PLSCR2: variants seen among roughly 807,000 people sequenced by gnomAD.
The protein encoded by PLSCR2 is phospholipid scramblase 2.
Under a neutral mutation model 25.3 loss-of-function variants are expected in PLSCR2, and 18 were observed. The ratio of observed to expected loss-of-function variants is 0.71; its 90% CI spans 0.49 to 1.06. PLSCR2 has a LOEUF of 1.06. Ranked by LOEUF, PLSCR2 falls within the 50% of genes least tolerant of loss-of-function variation. The pLI, the probability that PLSCR2 is intolerant of heterozygous loss-of-function variation, is 0.00. For missense variants in PLSCR2, 243 were observed against 269.5 expected, an observed-to-expected ratio of 0.90 and a Z score of 0.69; for synonymous variants, 88 against 87.3, an observed-to-expected ratio of 1.01 and a Z score of -0.04.
chr3:146,495,218 C>A (rs2043704675), intron 1 of PLSCR2, among the ~76,000 whole-genome samples: 1 of 152,114 alleles, frequency 6.6e-6, no homozygotes, highest in Admixed American at 6.5e-5. Flanking sequence ...ATTCGTTTTT[C>A]TTCTCTCTAG....
chr3:146,443,467 T>A (rs185463914), intron 6 of PLSCR2, among the ~76,000 whole-genome samples: 1 of 152,144 alleles, frequency 6.6e-6, no homozygotes, highest in Non-Finnish European at 1.5e-5. Context: ...GGTTTTAGAT[T>A]TTTTCATGGT....
chr3:146,406,169 G>A (rs890907243), intron 2 of PLSCR2, among the ~76,000 whole-genome samples: 8 of 152,210 alleles, frequency 5.3e-5, no homozygotes, highest in African/African-American at 1.9e-4. Context: ...ATGGAATGAA[G>A]ATGTGGTTGA....
rs553758263 is a variant in PLSCR2 at position 146,426,336 on chromosome 3, G to A, written c.101-30415C>T. 1.0e-4 allele frequency among the ~76,000 whole-genome samples: 15 copies of A among 146,254 alleles called. No individual in the cohort carries two copies. The South Asian group carries it at 1.1e-3, about 10-fold the overall frequency. On this transcript the variant is annotated intron_variant and NMD_transcript_variant, in intron 2 of 3. Transcript: ENST00000463633. ...TTCCCTCCTTCCTTCCATCAAAATC[G>A]TATATGAAAATGTCTGATTATTCTA...
chr3:146,487,975 C>T (rs948787012), intron 1 of PLSCR2, among the ~76,000 whole-genome samples: 1 of 152,024 alleles, frequency 6.6e-6, no homozygotes, highest in Non-Finnish European at 1.5e-5. Context: ...CCAAAACAGA[C>T]ATACAGATGA....
chr3:146,423,282 T>TCTCCCC (rs758576585), intron 2 of PLSCR2, among the ~76,000 whole-genome samples: 11 of 100,960 alleles, frequency 1.1e-4, no homozygotes, highest in East Asian at 2.9e-4. Context: ...TCTCTCTCTC[T>TCTCCCC]CCCTGGCTAG....
At chr3:146,441,231 C>CA (rs202241822), downstream of PLSCR2, among the ~76,000 whole-genome samples, 248 of 149,800 alleles carry the variant, frequency 1.7e-3, no homozygotes, top group Non-Finnish European at 2.3e-3. Flanking sequence ...ATCTCAAAAA[C>CA]AAAAAAAAAT....
At position 146,483,949 on chromosome 3, in the gene PLSCR2, T is replaced by G. The variant is rs1345199914; in HGVS notation, c.-293+11946A>C. Among the ~76,000 whole-genome samples the G allele has an allele frequency of 2.0e-5, 3 of 151,790 alleles. 1 individual carries two copies. The highest frequency in any genetic ancestry group is 4.8e-5 in the African/African-American group (2 of 41,340). On this transcript the variant is annotated intron_variant, in intron 1 of 8. Coordinates refer to the PLSCR2 transcript ENST00000336685. The stretch of plus-strand genomic sequence containing the variant: ...TCGGTGAAGGCTGAGATGGATCAAT[T>G]GACAGAAGTAGGCTTCAGAAGATGG...
At chr3:146,472,992 A>G (rs2108502618) in intron 1 of PLSCR2, among the ~76,000 whole-genome samples, 1 of 152,308 alleles carries the variant, frequency 6.6e-6, no homozygotes, top group East Asian at 1.9e-4. Context: ...CCTTATAAGG[A>G]CACTGATCCC....
intron 2 of PLSCR2, among the ~76,000 whole-genome samples, chr3:146,425,673 A>G (rs991341111): frequency 1.3e-5 from 2 of 152,152 alleles, no homozygotes; most frequent in Non-Finnish European, 2.9e-5. Context: ...TATGATGTTA[A>G]TGACTCTGCT....
chr3:146,405,825 G>C (rs1411829021), intron 2 of PLSCR2, among the ~76,000 whole-genome samples: 1 of 152,058 alleles, frequency 6.6e-6, no homozygotes, highest in Non-Finnish European at 1.5e-5. Context: ...TCTTGTTTTT[G>C]TTGGCGCTTA....
chr3:146,477,776 C>G (rs989260145), intron 1 of PLSCR2, among the ~76,000 whole-genome samples: 3 of 152,228 alleles, frequency 2.0e-5, no homozygotes, highest in African/African-American at 7.2e-5. Flanking sequence ...AGCAGACTGC[C>G]TCTTCAAGTG....
At chr3:146,433,470 G>A (rs558439953) in exon 9 of PLSCR2, 58 of 152,168 alleles carry the variant, frequency 3.8e-4, no homozygotes, top group African/African-American at 1.2e-3. Context: ...GGAAGGAACC[G>A]TTTAGATCAG....
intron 5 of PLSCR2, 26 bp from the exon 6 acceptor site, chr3:146,449,393 T>G (rs1553778268): frequency 7.2e-7 from 1 of 1,390,462 alleles, no homozygotes; most frequent in East Asian, 2.3e-5. Context: ...AAAAAAAACT[T>G]AAAAATTTCT....
upstream of PLSCR2, among the ~76,000 whole-genome samples, chr3:146,461,232 C>A (rs967452205): frequency 1.9e-4 from 29 of 152,098 alleles, 1 homozygote; most frequent in Non-Finnish European, 1.5e-5. Context: ...CTTAATGCCA[C>A]ATAAAATATA....
At chr3:146,469,278 T>C in intron 1 of PLSCR2, 1 of 985,578 alleles carries the variant, frequency 1.0e-6, no homozygotes, top group Middle Eastern at 5.2e-4. Context: ...AGGACACCCC[T>C]TGTCATTCGA....
At chr3:146,414,917 G>A (rs1301076334) in intron 2 of PLSCR2, among the ~76,000 whole-genome samples, 1 of 152,188 alleles carries the variant, frequency 6.6e-6, no homozygotes, top group Non-Finnish European at 1.5e-5. Context: ...GAATGATCCT[G>A]CAGCCAGTAT....
At chr3:146,449,449 G>T in intron 5 of PLSCR2, 82 bp from the exon 6 acceptor site, 1 of 921,504 alleles carries the variant, frequency 1.1e-6, no homozygotes, top group Non-Finnish European at 1.7e-6. Context: ...GTAAAAGGAA[G>T]GAAATATTAT....
At chr3:146,404,121 G>A (rs1046242401) in intron 2 of PLSCR2, among the ~76,000 whole-genome samples, 4 of 152,148 alleles carry the variant, frequency 2.6e-5, no homozygotes, top group East Asian at 1.9e-4. Context: ...GGGACCACAT[G>A]CATCAGGGAT....
chr3:146,461,573 G>T (rs1039792761), upstream of PLSCR2, among the ~76,000 whole-genome samples: 1 of 152,154 alleles, frequency 6.6e-6, no homozygotes, highest in Non-Finnish European at 1.5e-5. Flanking sequence ...AGTTACTTTA[G>T]ATGGATATAA....
Sources: allele counts gnomAD v4.1 joint callset (sites outside exome capture counted in the v4.1 genomes callset), GRCh38; gene constraint gnomAD v4.1.1; transcripts MANE v1.5; gene names NCBI Gene and HGNC (gene_info 2026-07-23, HGNC 2026-07-21).